Variants in HHLA2 observed in about 807,000 individuals in gnomAD.
HHLA2 encodes HHLA2 member of B7 family, also known as HERV-H LTR-associating protein 2.
HHLA2 carries 48 observed loss-of-function variants against 45.9 expected under a neutral mutation model. The observed-to-expected ratio is 1.05, with a 90% CI of 0.83 to 1.33. The LOEUF is 1.33. Ranked by LOEUF, HHLA2 falls within the 40% of genes most tolerant of loss-of-function variation. HHLA2 has a pLI of 0.00. For missense variants in HHLA2, 462 were observed against 494.3 expected (o/e 0.93, Z 0.62); for synonymous variants, 161 against 173.9 (o/e 0.93, Z 0.59).
At chr3:108,325,491 C>T in intron 2 of HHLA2, 1 of 359,682 alleles carries the variant, frequency 2.8e-6, no homozygotes, top group South Asian at 2.3e-5. Context: ...TTAAGCTTTG[C>T]TTCCTGGCAG....
chr3:108,350,889 T>G (rs2081763916), intron 3 of HHLA2, among the ~76,000 whole-genome samples: 1 of 152,226 alleles, frequency 6.6e-6, no homozygotes, highest in African/African-American at 2.4e-5. Flanking sequence ...TTCACCATGT[T>G]GGCTAGGCTG....
Position 108,328,349 on chromosome 3 carries a change from T to G in HHLA2, c.-27+2T>G. 1 of 1,525,916 alleles carries G rather than the reference T, an allele frequency of 6.6e-7. No individual in the cohort carries two copies. Among genetic ancestry groups the G allele is most frequent in the Non-Finnish European group, 8.8e-7 (1 of 1,139,486 alleles). The allele number at this position is 1,525,916 out of a possible 1,614,324, so 94.5% of individuals were successfully genotyped here. On this transcript the variant is annotated splice_donor_variant, in intron 3 of 10. Coordinates refer to ENST00000619531, the Ensembl canonical transcript of HHLA2. LOFTEE classifies it low-confidence loss of function (5UTR_SPLICE). ...AAAGCCTAGAACGCACCTCCTCTGG[T>G]AAGTAGGGAGATATACAATGAGGTT...
chr3:108,358,825 G>T (rs755600030), intron 7 of HHLA2, among the ~76,000 whole-genome samples: 2 of 152,122 alleles, frequency 1.3e-5, no homozygotes, highest in Non-Finnish European at 2.9e-5. Context: ...TTCAATAAAG[G>T]TATTTGAACC....
intron 4 of HHLA2, 26 bp from the exon 4 acceptor site, chr3:108,353,401 T>C: frequency 2.8e-6 from 4 of 1,450,580 alleles, no homozygotes; most frequent in Admixed American, 2.1e-5. Flanking sequence ...TAATTCTCTT[T>C]ATAACTTCTC....
intron 10 of HHLA2, 198 bp from the exon 10 acceptor site, chr3:108,377,060 G>A (rs2082287621): frequency 3.6e-6 from 2 of 551,098 alleles, no homozygotes; most frequent in Admixed American, 3.3e-5. Context: ...GAAACAGCTA[G>A]TAGGGAGATT....
At chr3:108,300,373 T>C (rs181669901) in intron 1 of HHLA2, among the ~76,000 whole-genome samples, 22 of 152,070 alleles carry the variant, frequency 1.4e-4, no homozygotes, top group African/African-American at 5.3e-4. Flanking sequence ...CCACAAGGAG[T>C]TGATGAGTCA....
chr3:108,299,250 T>C (rs1214214147), intron 1 of HHLA2, among the ~76,000 whole-genome samples: 1 of 151,634 alleles, frequency 6.6e-6, no homozygotes, highest in African/African-American at 2.4e-5. Context: ...TTATATCAAC[T>C]TGGCAACAAG....
chr3:108,304,723 C>G (rs962073817), intron 1 of HHLA2, among the ~76,000 whole-genome samples: 2 of 152,186 alleles, frequency 1.3e-5, no homozygotes, highest in African/African-American at 4.8e-5. Context: ...TACTAATGGT[C>G]TGTTCTGCAG....
intron 8 of HHLA2, among the ~76,000 whole-genome samples, chr3:108,374,375 C>A (rs36149994): frequency 2.0e-5 from 3 of 151,200 alleles, no homozygotes; most frequent in Non-Finnish European, 3.0e-5. Context: ...CCGTAAAAAC[C>A]CTAGAAGAAA....
At chr3:108,301,522 TTC>T (rs2080848143) in intron 1 of HHLA2, among the ~76,000 whole-genome samples, 1 of 152,088 alleles carries the variant, frequency 6.6e-6, no homozygotes, top group East Asian at 1.9e-4. Context: ...TACCCCTTAG[TTC>T]CTCCCCACCC....
rs925392715 is a variant in HHLA2, at chr3:108,377,462, A to G, written c.*184A>G. ...TTCAAGACATACTTTTCAAGACATC[A>G]TTCACTGACCCACTACCTGCATTGA... On this transcript the variant is annotated 3_prime_UTR_variant, in exon 11 of 11. Transcript: ENST00000619531. The G allele has an allele frequency of 1.5e-5, 9 of 585,652 alleles. No individual in the cohort carries two copies. In the African/African-American group the frequency reaches 1.7e-4, roughly 11 times the overall value. The allele number at this position is 585,652 out of a possible 1,614,324, so 36.3% of individuals were successfully genotyped here.
chr3:108,336,548 G>T (rs1424981933), intron 3 of HHLA2, among the ~76,000 whole-genome samples: 1 of 152,060 alleles, frequency 6.6e-6, no homozygotes, highest in Non-Finnish European at 1.5e-5. Flanking sequence ...GGTAATTTGG[G>T]CTCTTCCTGC....
chr3:108,299,595 C>T (rs945759545), intron 1 of HHLA2, among the ~76,000 whole-genome samples: 6 of 152,100 alleles, frequency 3.9e-5, no homozygotes, highest in Middle Eastern at 3.4e-3. Flanking sequence ...GGAAATGCTA[C>T]GCTGAGTGGA....
chr3:108,352,138 T>C (rs2081789671), intron 4 of HHLA2, among the ~76,000 whole-genome samples: 1 of 65,052 alleles, frequency 1.5e-5, no homozygotes, highest in Non-Finnish European at 3.5e-5. Flanking sequence ...GCAAGTTTGA[T>C]TGATTGATTT....
intron 2 of HHLA2, among the ~76,000 whole-genome samples, chr3:108,315,201 T>C (rs1207571940): frequency 6.6e-6 from 1 of 152,170 alleles, no homozygotes; most frequent in African/African-American, 2.4e-5. Context: ...TAGAAGAGCC[T>C]TAAGTTCAGA....
intron 2 of HHLA2, among the ~76,000 whole-genome samples, chr3:108,312,405 G>A (rs1397699718): frequency 6.6e-5 from 10 of 152,268 alleles, no homozygotes; most frequent in Non-Finnish European, 1.0e-4. Context: ...GGAAAAGTAT[G>A]AACAGTAGGG....
chr3:108,299,052 A>G (rs2080808491), intron 1 of HHLA2, among the ~76,000 whole-genome samples: 1 of 152,214 alleles, frequency 6.6e-6, no homozygotes, highest in Non-Finnish European at 1.5e-5. Context: ...ACACCTTCTG[A>G]AGGTGAAAAC....
intron 6 of HHLA2, among the ~76,000 whole-genome samples, 187 bp downstream of exon 5, chr3:108,355,568 A>C (rs2081874978): frequency 6.6e-6 from 1 of 152,226 alleles, no homozygotes; most frequent in African/African-American, 2.4e-5. Flanking sequence ...AATCATTCTT[A>C]CTTTTGAGCA....
At chr3:108,337,715 T>C (rs2081497774) in intron 3 of HHLA2, among the ~76,000 whole-genome samples, 2 of 152,270 alleles carry the variant, frequency 1.3e-5, no homozygotes, top group African/African-American at 4.8e-5. Flanking sequence ...TGATTGGAAC[T>C]GAGTCACTGT....
Sources: allele counts gnomAD v4.1 joint callset (sites outside exome capture counted in the v4.1 genomes callset), GRCh38; gene constraint gnomAD v4.1.1; transcripts MANE v1.5; gene names NCBI Gene and HGNC (gene_info 2026-07-23, HGNC 2026-07-21).